The following PTPRD variants were observed in gnomAD, a reference collection of about 807,000 sequenced individuals.
The protein encoded by PTPRD is protein tyrosine phosphatase receptor type D, also known as receptor-type tyrosine-protein phosphatase delta.
Under a neutral mutation model 214.5 loss-of-function variants are expected in PTPRD, and 34 were observed. That is an observed-to-expected ratio of 0.16 (90% CI 0.12 to 0.21). The LOEUF (loss-of-function observed/expected upper bound fraction) is 0.21, where lower values mean the gene tolerates loss of function less well. PTPRD is among the 10% of genes least tolerant of loss of function. The probability of loss-of-function intolerance (pLI) is 1.00; values close to 1 mark genes in which losing one functional copy is unlikely to be tolerated. For synonymous variants in PTPRD, 1,128 were observed against 845.7 expected (o/e 1.33, Z -5.79); for missense variants, 2,545 against 2,398.7 (o/e 1.06, Z -1.27).
intron 3 of PTPRD, among the ~76,000 whole-genome samples, chr9:10,084,358 C>A (rs2098293692): frequency 6.6e-6 from 1 of 151,612 alleles, no homozygotes; most frequent in Non-Finnish European, 1.5e-5. Flanking sequence ...ATGAGGTACG[C>A]CAAACTGTAT....
At chr9:8,442,306 T>C (rs567146637) in intron 34 of PTPRD, among the ~76,000 whole-genome samples, 1 of 151,950 alleles carries the variant, frequency 6.6e-6, no homozygotes, top group Non-Finnish European at 1.5e-5. Context: ...GATTTTATTA[T>C]CCATAGAAAA....
At chr9:10,252,324 G>A (rs1474370618) in intron 3 of PTPRD, among the ~76,000 whole-genome samples, 4 of 151,980 alleles carry the variant, frequency 2.6e-5, no homozygotes, top group Non-Finnish European at 5.9e-5. Flanking sequence ...ATCTCTTCTT[G>A]CTGTTGGAAT....
At chr9:9,066,701 A>G (rs944269571) in intron 10 of PTPRD, among the ~76,000 whole-genome samples, 2 of 152,190 alleles carry the variant, frequency 1.3e-5, no homozygotes, top group Non-Finnish European at 2.9e-5. Context: ...GAAAGAAAAG[A>G]CAGGACCACA....
At chr9:10,557,295 A>T (rs540601494) in intron 2 of PTPRD, among the ~76,000 whole-genome samples, 5 of 152,202 alleles carry the variant, frequency 3.3e-5, no homozygotes, top group African/African-American at 1.2e-4. Flanking sequence ...GAAAGGATTT[A>T]AAAAAATAAA....
Position 10,223,945 on chromosome 9 carries a change from T to C in PTPRD, c.-545+117018A>G, listed in dbSNP as rs2099580238. 5.9e-5 allele frequency among the ~76,000 whole-genome samples: 9 copies of C among 151,736 alleles called. No homozygotes were observed. In the South Asian group the frequency reaches 1.7e-3, roughly 28 times the overall value. On this transcript the variant is annotated intron_variant, in intron 3 of 45. Transcript: ENST00000381196. ...GTTTAGACTTTCCAATGGCTTTATG[T>C]AGGCCAAAAACTTCTTACTGCAGAG...
chr9:9,975,186 G>A (rs2095308392), intron 4 of PTPRD, among the ~76,000 whole-genome samples: 1 of 152,058 alleles, frequency 6.6e-6, no homozygotes. Context: ...GTAAGACTGT[G>A]GTTTGACATG....
intron 43 of PTPRD, 84 bp from the exon 44 acceptor site, chr9:8,331,820 T>TTTCA: frequency 7.0e-7 from 1 of 1,429,952 alleles, no homozygotes; most frequent in Non-Finnish European, 9.1e-7. Context: ...GAACAATCAT[T>TTTCA]TTCATTTCCC....
At chr9:10,111,921 T>C (rs2098694730) in intron 3 of PTPRD, among the ~76,000 whole-genome samples, 1 of 152,198 alleles carries the variant, frequency 6.6e-6, no homozygotes, top group South Asian at 2.1e-4. Flanking sequence ...AGCTGCAGTG[T>C]ATTTTTCTTT....
At chr9:8,929,721 A>ATATATATGTGTG (rs1567060059) in intron 11 of PTPRD, among the ~76,000 whole-genome samples, 2 of 77,424 alleles carry the variant, frequency 2.6e-5, no homozygotes, top group African/African-American at 8.9e-5. Context: ...ATATATGTGT[A>ATATATATGTGTG]TATATATATG....
chr9:9,051,391 T>C (rs1347336496), intron 10 of PTPRD, among the ~76,000 whole-genome samples: 1 of 152,184 alleles, frequency 6.6e-6, no homozygotes, highest in Non-Finnish European at 1.5e-5. Context: ...GTACAACCTA[T>C]TTATTCAGGT....
At chr9:9,475,794 G>C (rs973863425) in intron 8 of PTPRD, among the ~76,000 whole-genome samples, 1 of 152,132 alleles carries the variant, frequency 6.6e-6, no homozygotes. Flanking sequence ...AGTCTTGTGT[G>C]TGACTTGGCA....
intron 2 of PTPRD, among the ~76,000 whole-genome samples, chr9:10,572,011 A>G (rs2067609556): frequency 6.6e-6 from 1 of 152,254 alleles, no homozygotes; most frequent in South Asian, 2.1e-4. Context: ...AGAGGCTTTG[A>G]AATACTGTGC....
chr9:9,152,424 G>T (rs1334189730), intron 10 of PTPRD, among the ~76,000 whole-genome samples: 2 of 152,138 alleles, frequency 1.3e-5, no homozygotes, highest in Non-Finnish European at 2.9e-5. Flanking sequence ...TTCACTCCTT[G>T]ATTTGTTTTT....
chr9:9,557,439 T>C (rs1296951009), intron 8 of PTPRD, among the ~76,000 whole-genome samples: 4 of 152,162 alleles, frequency 2.6e-5, no homozygotes, highest in Non-Finnish European at 5.9e-5. Flanking sequence ...TATCCCAAAA[T>C]AAAATTTTTT....
At chr9:8,430,263 T>A (rs911792978) in intron 35 of PTPRD, among the ~76,000 whole-genome samples, 1 of 151,194 alleles carries the variant, frequency 6.6e-6, no homozygotes, top group African/African-American at 2.4e-5. Flanking sequence ...CCATTAATTT[T>A]TTTTATTTTT....
At chr9:9,567,806 A>T (rs574687592) in intron 8 of PTPRD, among the ~76,000 whole-genome samples, 1 of 152,010 alleles carries the variant, frequency 6.6e-6, no homozygotes, top group Non-Finnish European at 1.5e-5. Context: ...GGTCTAAGCC[A>T]ATAGTAAATG....
intron 12 of PTPRD, among the ~76,000 whole-genome samples, chr9:8,638,368 G>C (rs1176377251): frequency 3.3e-5 from 5 of 151,750 alleles, no homozygotes; most frequent in Non-Finnish European, 7.4e-5. Context: ...ACTCTGTTTG[G>C]TTTTCTTGGA....
At chr9:8,679,099 G>A (rs2097498280) in intron 12 of PTPRD, among the ~76,000 whole-genome samples, 1 of 152,128 alleles carries the variant, frequency 6.6e-6, no homozygotes, top group African/African-American at 2.4e-5. Flanking sequence ...TGGTAGTACA[G>A]GAATAGCAAC....
At chr9:9,198,365 AT>A in intron 9 of PTPRD, among the ~76,000 whole-genome samples, 2 of 151,996 alleles carry the variant, frequency 1.3e-5, no homozygotes, top group South Asian at 4.2e-4. Flanking sequence ...TTCACTGGAA[AT>A]TAACCCTTAT....
Sources: allele counts gnomAD v4.1 joint callset (sites outside exome capture counted in the v4.1 genomes callset), GRCh38; gene constraint gnomAD v4.1.1; transcripts MANE v1.5; gene names NCBI Gene and HGNC (gene_info 2026-07-23, HGNC 2026-07-21).